The following CDH4 variants were observed in gnomAD, a reference collection of about 807,000 sequenced individuals.
The protein encoded by CDH4 is cadherin-4.
CDH4 carries 33 observed loss-of-function variants against 86.0 expected under a neutral mutation model. That is an observed-to-expected ratio of 0.38 (90% CI 0.29 to 0.51). The LOEUF is 0.51. CDH4 is among the 20% of genes least tolerant of loss of function. The pLI, the probability that CDH4 is intolerant of heterozygous loss-of-function variation, is 0.86. For synonymous variants in CDH4, 555 were observed against 549.4 expected, an observed-to-expected ratio of 1.01 and a Z score of -0.14; for missense variants, 1,114 against 1,307.4, an observed-to-expected ratio of 0.85 and a Z score of 2.28.
intron 2 of CDH4, among the ~76,000 whole-genome samples, chr20:61,658,815 G>C (rs928783931): frequency 6.6e-6 from 1 of 152,206 alleles, no homozygotes; most frequent in African/African-American, 2.4e-5. Flanking sequence ...AGGCAGACAG[G>C]CCTGGTGGGT....
intron 7 of CDH4, among the ~76,000 whole-genome samples, chr20:61,878,147 C>T (rs1600730680): frequency 1.3e-5 from 2 of 152,074 alleles, no homozygotes; most frequent in East Asian, 3.9e-4. Context: ...CCATGGCGTC[C>T]TCATTTCCAG....
intron 2 of CDH4, among the ~76,000 whole-genome samples, chr20:61,476,593 G>A (rs1415067900): frequency 6.6e-6 from 1 of 152,218 alleles, no homozygotes; most frequent in Non-Finnish European, 1.5e-5. Context: ...GGTGGAGAGT[G>A]GGAGCATCAG....
Position 61,811,350 on chromosome 20 carries a change from C to T in CDH4, c.577-33318C>T, listed in dbSNP as rs181907363. 5.9e-5 allele frequency among the ~76,000 whole-genome samples: 9 copies of T among 152,316 alleles called. No individual in the cohort carries two copies. The South Asian group carries it at 6.2e-4, about 11-fold the overall frequency. ...GGGGTGGGAATGAAATGCCCCTTCC[C>T]GGCTTACACAGACACAGCCCAGGAG... On this transcript the variant is annotated intron_variant, in intron 4 of 15. Transcript: ENST00000614565. This position sits in a 1 kb window ranked among gnomAD's most constrained non-coding sequence, Gnocchi z 4.4.
chr20:61,519,731 C>T (rs977523342), intron 2 of CDH4, among the ~76,000 whole-genome samples: 13 of 152,242 alleles, frequency 8.5e-5, no homozygotes, highest in Non-Finnish European at 1.9e-4. Flanking sequence ...GCCACTAGTT[C>T]CTGGGCGCAG....
chr20:61,569,005 A>G (rs1457937616), intron 2 of CDH4, among the ~76,000 whole-genome samples: 1 of 152,180 alleles, frequency 6.6e-6, no homozygotes, highest in Admixed American at 6.5e-5. Context: ...ATCTGAAATC[A>G]GTGACCCAGT....
intron 2 of CDH4, among the ~76,000 whole-genome samples, chr20:61,375,595 GTGGT>G (rs1270259961): frequency 7.0e-6 from 1 of 141,938 alleles, no homozygotes; most frequent in Non-Finnish European, 1.5e-5. Flanking sequence ...AGCACTGGTG[GTGGT>G]CATAGCACTG....
intron 2 of CDH4, among the ~76,000 whole-genome samples, chr20:61,364,454 AG>A (rs2084800396): frequency 6.6e-6 from 1 of 152,086 alleles, no homozygotes; most frequent in Non-Finnish European, 1.5e-5. Flanking sequence ...TGCTACCTGG[AG>A]GGCTCCTCTG....
chr20:61,443,966 A>ATCTG (rs150382106), intron 2 of CDH4, among the ~76,000 whole-genome samples: 92,717 of 147,162 alleles, frequency 0.63, 29,508 homozygotes, highest in African/African-American at 0.79. Context: ...CTGTGTGTGT[A>ATCTG]TCTGTGTGTG....
chr20:61,853,752 G>A (rs1490281453), intron 6 of CDH4, among the ~76,000 whole-genome samples: 1 of 152,172 alleles, frequency 6.6e-6, no homozygotes, highest in South Asian at 2.1e-4. Context: ...GGTGGCCTGG[G>A]GCTGTGGGTT....
intron 2 of CDH4, among the ~76,000 whole-genome samples, chr20:61,625,561 A>G (rs1309862164): frequency 6.6e-6 from 1 of 152,226 alleles, no homozygotes; most frequent in East Asian, 1.9e-4. Flanking sequence ...ATATCAGCAG[A>G]TCAATGAAAA....
intron 2 of CDH4, among the ~76,000 whole-genome samples, chr20:61,594,813 G>T (rs1011349069): frequency 1.3e-5 from 2 of 152,332 alleles, no homozygotes; most frequent in South Asian, 2.1e-4. Flanking sequence ...CTGACCCACA[G>T]ACACTGTTGG....
At chr20:61,481,036 T>C (rs1284723033) in intron 2 of CDH4, among the ~76,000 whole-genome samples, 1 of 152,182 alleles carries the variant, frequency 6.6e-6, no homozygotes, top group Non-Finnish European at 1.5e-5. Context: ...TGGACTGAAG[T>C]GTACCCGGTT....
intron 2 of CDH4, among the ~76,000 whole-genome samples, chr20:61,693,606 C>T (rs1390117087): frequency 3.3e-5 from 5 of 152,192 alleles, no homozygotes; most frequent in African/African-American, 7.2e-5. Flanking sequence ...CCTTTTAGAG[C>T]GTGGATCACT....
Position 61,879,246 on chromosome 20 carries a change from C to G in CDH4, c.1050+5346C>G, listed in dbSNP as rs1984177027. Reference sequence around the variant, plus strand: ...CTGAGCCCGAGAAGCTGATTTCTGTCTGGCTTGGCGTATCAGAGAAGAGCA... The same window carrying G: ...CTGAGCCCGAGAAGCTGATTTCTGTGTGGCTTGGCGTATCAGAGAAGAGCA... On this transcript the variant is annotated intron_variant, in intron 7 of 15. Coordinates refer to ENST00000614565, the MANE Select transcript of CDH4 (RefSeq NM_001794.5). The surrounding 1 kb of genome is among the most constrained non-coding windows in gnomAD (Gnocchi z 4.1). 6.6e-6 allele frequency among the ~76,000 whole-genome samples: 1 copy of G among 152,222 alleles called. No homozygotes were observed. The highest frequency in any genetic ancestry group is 2.4e-5 in the African/African-American group (1 of 41,468).
chr20:61,698,794 A>C (rs2145882066), intron 2 of CDH4, among the ~76,000 whole-genome samples: 1 of 152,356 alleles, frequency 6.6e-6, no homozygotes, highest in South Asian at 2.1e-4. Context: ...TCTGGGGGTC[A>C]CTGCTGGAAG....
At chr20:61,452,090 G>A (rs541850127) in intron 2 of CDH4, among the ~76,000 whole-genome samples, 4 of 152,168 alleles carry the variant, frequency 2.6e-5, no homozygotes, top group Non-Finnish European at 2.9e-5. Flanking sequence ...GGATTGTGAC[G>A]CTGGCTCAGC....
chr20:61,474,115 TC>T (rs2085521353), intron 2 of CDH4, among the ~76,000 whole-genome samples: 2 of 149,336 alleles, frequency 1.3e-5, no homozygotes, highest in Non-Finnish European at 3.0e-5. Context: ...TTAGAAAACA[TC>T]CACTCGATGA....
At chr20:61,791,147 CTG>C in intron 4 of CDH4, among the ~76,000 whole-genome samples, 1 of 152,260 alleles carries the variant, frequency 6.6e-6, no homozygotes, top group African/African-American at 2.4e-5. Context: ...GTCCTTAAAA[CTG>C]TTTCAACATT....
At chr20:61,934,885 A>C (rs549286628) in intron 15 of CDH4, among the ~76,000 whole-genome samples, 7 of 152,198 alleles carry the variant, frequency 4.6e-5, no homozygotes, top group Non-Finnish European at 8.8e-5. Flanking sequence ...CCAGCCTTCC[A>C]TCTTCCCCTT....
Sources: allele counts gnomAD v4.1 joint callset (sites outside exome capture counted in the v4.1 genomes callset), GRCh38; gene constraint gnomAD v4.1.1; non-coding constraint Gnocchi (gnomAD v3.1); transcripts MANE v1.5; gene names NCBI Gene and HGNC (gene_info 2026-07-23, HGNC 2026-07-21).